Variants in AIM2 observed in about 807,000 individuals in gnomAD.
AIM2 encodes interferon-inducible protein AIM2.
A neutral mutation model predicts 27.7 loss-of-function variants in AIM2; 30 were observed. That is an observed-to-expected ratio of 1.08 (90% confidence interval 0.81 to 1.47). The LOEUF (loss-of-function observed/expected upper bound fraction) is 1.47, where lower values mean the gene tolerates loss of function less well. Among genes scored for constraint, AIM2 ranks in the 40% most tolerant of loss-of-function variants. The probability of loss-of-function intolerance (pLI) is 0.00; values close to 1 mark genes in which losing one functional copy is unlikely to be tolerated. For missense variants in AIM2, 358 were observed against 411.3 expected (o/e 0.87, Z 1.12); for synonymous variants, 141 against 145.3 (o/e 0.97, Z 0.21).
intron 1 of AIM2, among the ~76,000 whole-genome samples, chr1:159,138,136 A>C (rs1275295244): frequency 1.3e-5 from 2 of 152,340 alleles, no homozygotes; most frequent in African/African-American, 4.8e-5. Context: ...TTAGTAGAGA[A>C]GAATTGAAGA....
upstream of AIM2, among the ~76,000 whole-genome samples, chr1:159,141,379 C>A (rs1313894444): frequency 1.3e-5 from 2 of 152,002 alleles, no homozygotes; most frequent in Admixed American, 6.6e-5. Flanking sequence ...CTATGTCAGT[C>A]GGGCTGAACA....
chr1:159,098,710 GT>G (rs1244720383), intron 1 of AIM2, among the ~76,000 whole-genome samples: 1 of 152,190 alleles, frequency 6.6e-6, no homozygotes, highest in African/African-American at 2.4e-5. Context: ...CCTAGAGTTA[GT>G]GACATCTAAG....
intron 3 of AIM2, among the ~76,000 whole-genome samples, chr1:159,068,056 G>C (rs1656183633): frequency 6.6e-6 from 1 of 151,998 alleles, no homozygotes; most frequent in Non-Finnish European, 1.5e-5. Flanking sequence ...GCCAGACCGA[G>C]TGTCAGAGTC....
the AIM2 span, among the ~76,000 whole-genome samples, chr1:159,056,715 G>A: frequency 3.8e-5 from 1 of 26,156 alleles, no homozygotes; most frequent in South Asian, 2.0e-3. Context: ...AAGCCCAACC[G>A]GCAAAAAAAA....
In AIM2 at chr1:159,102,001, C is replaced by CTCCAGGGCATG. The variant is rs534693596; in HGVS notation, c.-15-35683_-15-35673dup. On this transcript the variant is annotated intron_variant, in intron 1 of 2. Transcript: ENST00000368129. Reference sequence around the variant, plus strand: ...ATCACCAAGTAAATGGGGAAAATGTCTCCAGGGCATGTCAGAGACCTACAC... The same window carrying CTCCAGGGCATG: ...ATCACCAAGTAAATGGGGAAAATGTCTCCAGGGCATGTCCAGGGCATGTCAGAGACCTACAC... Among the ~76,000 whole-genome samples, 99 of 149,590 alleles carry CTCCAGGGCATG rather than the reference C, an allele frequency of 6.6e-4. No individual in the cohort carries two copies. The East Asian group carries it at 0.017, about 25-fold the overall frequency.
intron 1 of AIM2, among the ~76,000 whole-genome samples, chr1:159,124,361 T>C (rs1570978692): frequency 6.6e-6 from 1 of 152,222 alleles, no homozygotes. Context: ...AAACAAATAG[T>C]AATATTCGAC....
chr1:159,072,802 GA>G (rs1195050924), intron 2 of AIM2, among the ~76,000 whole-genome samples: 3 of 152,052 alleles, frequency 2.0e-5, no homozygotes, highest in Non-Finnish European at 2.9e-5. Context: ...CTGTGTGAAG[GA>G]AAAAAGGTGC....
downstream of AIM2, among the ~76,000 whole-genome samples, chr1:159,061,101 G>A (rs950700492): frequency 6.6e-6 from 1 of 152,092 alleles, no homozygotes; most frequent in African/African-American, 2.4e-5. Context: ...TTGCATAAAG[G>A]TTATACCATT....
chr1:159,079,523 T>G (rs1335362155), upstream of AIM2, among the ~76,000 whole-genome samples: 1 of 150,376 alleles, frequency 6.6e-6, no homozygotes, highest in African/African-American at 2.4e-5. Flanking sequence ...CATGTCACTT[T>G]GCATTTTTTT....
intron 1 of AIM2, among the ~76,000 whole-genome samples, chr1:159,112,072 G>T (rs551912783): frequency 1.3e-5 from 2 of 151,912 alleles, no homozygotes; most frequent in South Asian, 4.2e-4. Flanking sequence ...AAACAAGATG[G>T]TAACACCAAA....
intron 3 of AIM2, 50 bp from the exon 4 acceptor site, chr1:159,066,379 T>A: frequency 6.5e-7 from 1 of 1,539,466 alleles, no homozygotes; most frequent in Non-Finnish European, 8.8e-7. Context: ...AAGGTACTAT[T>A]GAAAGGACCT....
intron 1 of AIM2, among the ~76,000 whole-genome samples, chr1:159,096,892 CA>C (rs959816501): frequency 4.6e-5 from 7 of 152,044 alleles, no homozygotes; most frequent in African/African-American, 1.7e-4. Flanking sequence ...GCGACAAAAA[CA>C]AACAAAAAGT....
chr1:159,093,166 A>G (rs1657086977), intron 1 of AIM2, among the ~76,000 whole-genome samples: 1 of 152,210 alleles, frequency 6.6e-6, no homozygotes, highest in Non-Finnish European at 1.5e-5. Context: ...ATTAACCCAT[A>G]CAAATACACA....
At chr1:159,075,534 TACACACACACACACAC>T (rs55988373) in intron 1 of AIM2, among the ~76,000 whole-genome samples, 50 of 129,538 alleles carry the variant, frequency 3.9e-4, no homozygotes, top group Non-Finnish European at 6.7e-4. Flanking sequence ...ATACCTGCAA[TACACACACACACACAC>T]ACACACACAC....
At chr1:159,070,454 T>G (rs569335770) in intron 2 of AIM2, among the ~76,000 whole-genome samples, 1 of 152,282 alleles carries the variant, frequency 6.6e-6, no homozygotes, top group East Asian at 1.9e-4. Flanking sequence ...TATGTTATCG[T>G]GAAAAGCCAA....
At chr1:159,058,869 A>C (rs1251806912), downstream of AIM2, among the ~76,000 whole-genome samples, 1 of 152,206 alleles carries the variant, frequency 6.6e-6, no homozygotes, top group Non-Finnish European at 1.5e-5. Context: ...CCACAAAGCC[A>C]GAGTCCTTGC....
intron 1 of AIM2, among the ~76,000 whole-genome samples, chr1:159,125,689 T>C (rs1647667066): frequency 6.6e-6 from 1 of 152,230 alleles, no homozygotes; most frequent in South Asian, 2.1e-4. Context: ...GAATAATATC[T>C]ACTTTTCATG....
chr1:159,091,672 C>A (rs1048488353), intron 1 of AIM2, among the ~76,000 whole-genome samples: 8 of 152,246 alleles, frequency 5.3e-5, no homozygotes, highest in African/African-American at 1.7e-4. Flanking sequence ...TCTGGATGCC[C>A]TTGGGGGAAG....
At position 159,063,363 on chromosome 1, in the gene AIM2, C is replaced by T. The variant is rs536768418; in HGVS notation, c.1005+123G>A. The T allele has an allele frequency of 3.8e-5, 34 of 883,600 alleles. No homozygotes were observed. The South Asian group carries it at 4.7e-4, about 12-fold the overall frequency. 54.7% of individuals were successfully genotyped at this position (883,600 alleles called of 1,614,324 possible). A position where few individuals can be genotyped will look rare whatever the true frequency, so the allele number is the denominator to read the frequency against. On this transcript the variant is annotated intron_variant, in intron 5 of 5. Transcript: ENST00000368130. ...AGGTTCCTCAGTTCTGTGAGATGAA[C>T]GTGTACTAAATATCAATGTCTTCCA...
Sources: allele counts gnomAD v4.1 joint callset (sites outside exome capture counted in the v4.1 genomes callset), GRCh38; gene constraint gnomAD v4.1.1; transcripts MANE v1.5; gene names NCBI Gene and HGNC (gene_info 2026-07-23, HGNC 2026-07-21).